Variants in TMPRSS15 observed in about 807,000 individuals in gnomAD.
The protein encoded by TMPRSS15 is transmembrane serine protease 15, also known as enteropeptidase.
In TMPRSS15, 128 loss-of-function variants were observed where a neutral mutation model predicts 125.3. The observed-to-expected ratio is 1.02, with a 90% CI of 0.89 to 1.18. The LOEUF (loss-of-function observed/expected upper bound fraction) is 1.18, where lower values mean the gene tolerates loss of function less well. Ranked by LOEUF, TMPRSS15 falls within the 50% of genes most tolerant of loss-of-function variation. The pLI is 0.00. For missense variants in TMPRSS15, 1,283 were observed against 1,212.7 expected, an observed-to-expected ratio of 1.06 and a Z score of -0.86; for synonymous variants, 446 against 423.2, an observed-to-expected ratio of 1.05 and a Z score of -0.66.
chr21:18,377,341 A>G (rs2075854618), intron 5 of TMPRSS15, among the ~76,000 whole-genome samples: 1 of 152,082 alleles, frequency 6.6e-6, no homozygotes, highest in South Asian at 2.1e-4. Context: ...TTTTTTATGA[A>G]TCTTTTAAAG....
chr21:18,443,695 T>G (rs976954893), intron 1 of TMPRSS15, among the ~76,000 whole-genome samples: 1 of 152,234 alleles, frequency 6.6e-6, no homozygotes, highest in African/African-American at 2.4e-5. Flanking sequence ...TGCCAGCTAC[T>G]GGCCCAATAG....
At chr21:18,384,029 G>A (rs1310026904) in intron 3 of TMPRSS15, among the ~76,000 whole-genome samples, 1 of 152,148 alleles carries the variant, frequency 6.6e-6, no homozygotes, top group African/African-American at 2.4e-5. Context: ...TGAGTTTTCT[G>A]AGTTCCACGT....
intron 24 of TMPRSS15, among the ~76,000 whole-genome samples, chr21:18,271,462 C>A (rs1003953862): frequency 6.6e-6 from 1 of 152,146 alleles, no homozygotes; most frequent in Non-Finnish European, 1.5e-5. Context: ...AAGGATCCTG[C>A]GGCAGACTTG....
chr21:18,284,654 TAGG>T (rs1412939260), intron 21 of TMPRSS15, among the ~76,000 whole-genome samples: 1 of 152,090 alleles, frequency 6.6e-6, no homozygotes, highest in Non-Finnish European at 1.5e-5. Context: ...TAGATGGGCA[TAGG>T]AGAAGGTGAG....
chr21:18,437,572 C>T (rs1410503785), intron 1 of TMPRSS15, among the ~76,000 whole-genome samples: 4 of 152,086 alleles, frequency 2.6e-5, no homozygotes, highest in African/African-American at 4.8e-5. Context: ...TCGCAACTTA[C>T]TCATCTGACA....
intron 10 of TMPRSS15, among the ~76,000 whole-genome samples, chr21:18,346,613 C>T (rs550344403): frequency 1.3e-5 from 2 of 152,272 alleles, no homozygotes; most frequent in South Asian, 2.1e-4. Flanking sequence ...CATTCAGTTG[C>T]TTCCACTTAA....
chr21:18,279,626 A>G (rs1170156931), intron 22 of TMPRSS15, among the ~76,000 whole-genome samples: 2 of 150,580 alleles, frequency 1.3e-5, no homozygotes, highest in Non-Finnish European at 3.0e-5. Context: ...GAGCCACCGC[A>G]CCCGGCCCTC....
chr21:18,352,801 G>T, intron 10 of TMPRSS15, 102 bp downstream of exon 10: 1 of 1,196,180 alleles, frequency 8.4e-7, no homozygotes. Context: ...AAAGACTTTT[G>T]CATTTAATAC....
intron 1 of TMPRSS15, among the ~76,000 whole-genome samples, chr21:18,450,340 G>A (rs1391102966): frequency 2.0e-5 from 3 of 151,490 alleles, no homozygotes; most frequent in African/African-American, 4.9e-5. Flanking sequence ...ACCTTTTGTC[G>A]TAGTTTGAAA....
chr21:18,401,764 C>T (rs1385119208), intron 1 of TMPRSS15, among the ~76,000 whole-genome samples: 1 of 152,158 alleles, frequency 6.6e-6, no homozygotes, highest in Non-Finnish European at 1.5e-5. Context: ...TAGCAGTATG[C>T]ATTATGATCT....
intron 1 of TMPRSS15, among the ~76,000 whole-genome samples, chr21:18,468,786 C>T (rs991908761): frequency 7.9e-5 from 12 of 152,146 alleles, no homozygotes; most frequent in Non-Finnish European, 1.3e-4. Flanking sequence ...TTGTCCCCTG[C>T]CTTTTAATTT....
At chr21:18,291,548 G>A (rs1400872949) in intron 21 of TMPRSS15, among the ~76,000 whole-genome samples, 2 of 152,172 alleles carry the variant, frequency 1.3e-5, no homozygotes, top group East Asian at 3.9e-4. Flanking sequence ...TGTGGCATGA[G>A]TTTAATAACT....
At chr21:18,293,015 C>T (rs759216210) in intron 21 of TMPRSS15, among the ~76,000 whole-genome samples, 5 of 152,118 alleles carry the variant, frequency 3.3e-5, no homozygotes, top group Non-Finnish European at 5.9e-5. Context: ...ATGGTGCTGT[C>T]GGTAGCTCCT....
At chr21:18,337,979 T>C (rs1158163857) in intron 13 of TMPRSS15, among the ~76,000 whole-genome samples, 2 of 152,220 alleles carry the variant, frequency 1.3e-5, no homozygotes, top group Non-Finnish European at 2.9e-5. Context: ...GGGCAGATTC[T>C]AAAGTTTATA....
chr21:18,420,049 C>T (rs1296506583), intron 1 of TMPRSS15, among the ~76,000 whole-genome samples: 1 of 152,044 alleles, frequency 6.6e-6, no homozygotes, highest in Admixed American at 6.6e-5. Context: ...CGTAGCCTAG[C>T]CTGAGTGATA....
chr21:18,338,369 T>C (rs907140544), intron 13 of TMPRSS15, among the ~76,000 whole-genome samples: 10 of 152,150 alleles, frequency 6.6e-5, no homozygotes, highest in African/African-American at 1.7e-4. Flanking sequence ...TGTTAAATGA[T>C]TGAAATATCA....
At chr21:18,306,666 A>AT (rs971095995) in intron 18 of TMPRSS15, among the ~76,000 whole-genome samples, 1 of 151,970 alleles carries the variant, frequency 6.6e-6, no homozygotes, top group African/African-American at 2.4e-5. Flanking sequence ...TACAGAAATG[A>AT]TGTTTTTTTC....
At chr21:18,361,919 C>T (rs758305701) in intron 7 of TMPRSS15, among the ~76,000 whole-genome samples, 2 of 151,922 alleles carry the variant, frequency 1.3e-5, no homozygotes, top group African/African-American at 2.4e-5. Context: ...AACCTATAGA[C>T]TTCAGCCCTG....
chr21:18,415,537 T>C lies in TMPRSS15; in HGVS notation c.11-17208A>G, dbSNP rs9981977. On this transcript the variant is annotated intron_variant, in intron 1 of 7. Transcript: ENST00000422787. ...TTTGTTTGATTTTTGTGAGTGGTGT[T>C]AGGCAGAGATCTATTTTTGTTTTTT... Among the ~76,000 whole-genome samples the C allele has an allele frequency of 5.7e-4, 86 of 151,968 alleles. 1 individual carries two copies. Among genetic ancestry groups the C allele is most frequent in the Non-Finnish European group, 1.2e-4 (8 of 67,886 alleles).
Sources: allele counts gnomAD v4.1 joint callset (sites outside exome capture counted in the v4.1 genomes callset), GRCh38; gene constraint gnomAD v4.1.1; transcripts MANE v1.5; gene names NCBI Gene and HGNC (gene_info 2026-07-23, HGNC 2026-07-21).